MAGI2: variants seen among roughly 807,000 people sequenced by gnomAD.
MAGI2 encodes the protein membrane-associated guanylate kinase, WW and PDZ domain-containing protein 2.
MAGI2 carries 35 observed loss-of-function variants against 133.3 expected under a neutral mutation model. That is an observed-to-expected ratio of 0.26 (90% CI 0.20 to 0.35). MAGI2 has a LOEUF of 0.35. MAGI2 is among the 10% of genes least tolerant of loss of function. MAGI2 has a pLI of 1.00. For synonymous variants in MAGI2, 729 were observed against 710.6 expected, an observed-to-expected ratio of 1.03 and a Z score of -0.41; for missense variants, 1,636 against 1,863.4, an observed-to-expected ratio of 0.88 and a Z score of 2.25.
intron 1 of MAGI2, among the ~76,000 whole-genome samples, chr7:79,049,458 T>G (rs1367627930): frequency 1.3e-5 from 2 of 152,154 alleles, no homozygotes; most frequent in African/African-American, 4.8e-5. Flanking sequence ...GCTGAGAAGT[T>G]ATACACAGGC....
intron 2 of MAGI2, among the ~76,000 whole-genome samples, chr7:78,716,225 G>C (rs1819685762): frequency 6.6e-6 from 1 of 152,210 alleles, no homozygotes; most frequent in African/African-American, 2.4e-5. Flanking sequence ...TGTGACTTTT[G>C]CTATGTTTTA....
intron 1 of MAGI2, among the ~76,000 whole-genome samples, chr7:79,315,033 G>A (rs1161486895): frequency 5.3e-5 from 8 of 152,232 alleles, no homozygotes; most frequent in African/African-American, 1.9e-4. Context: ...AGGCTGGTTT[G>A]AGCTGGATTT....
At chr7:79,439,957 C>A (rs929833530) in intron 1 of MAGI2, among the ~76,000 whole-genome samples, 1 of 152,026 alleles carries the variant, frequency 6.6e-6, no homozygotes, top group Non-Finnish European at 1.5e-5. Flanking sequence ...GACATGTGGC[C>A]ATCCACTCCC....
intron 2 of MAGI2, among the ~76,000 whole-genome samples, chr7:78,855,781 G>A (rs946780298): frequency 6.6e-6 from 1 of 152,182 alleles, no homozygotes; most frequent in African/African-American, 2.4e-5. Context: ...GTAATGGGAT[G>A]GCTGGGTCAA....
chr7:79,134,501 G>A (rs894926373), intron 1 of MAGI2, among the ~76,000 whole-genome samples: 2 of 152,094 alleles, frequency 1.3e-5, no homozygotes, highest in African/African-American at 4.8e-5. Context: ...TATCTCAGCT[G>A]AAAGCCTCAT....
At chr7:79,368,847 CAAAAAAAAAAA>C (rs71095400) in intron 1 of MAGI2, among the ~76,000 whole-genome samples, 16,377 of 75,380 alleles carry the variant, frequency 0.22, 1,177 homozygotes, top group East Asian at 0.41. Context: ...GACTCCGTCT[CAAAAAAAAAAA>C]AAAAAAAAAA....
At chr7:78,072,337 T>G (rs1421858772) in intron 21 of MAGI2, among the ~76,000 whole-genome samples, 3 of 152,220 alleles carry the variant, frequency 2.0e-5, no homozygotes, top group African/African-American at 7.2e-5. Context: ...TTAAATGTTT[T>G]TCATGAGAGC....
chr7:78,990,880 T>C (rs1805694328), intron 2 of MAGI2, among the ~76,000 whole-genome samples: 1 of 147,832 alleles, frequency 6.8e-6, no homozygotes, highest in Admixed American at 6.8e-5. Context: ...ATTATTTTAC[T>C]GAAATAAGAG....
chr7:79,071,510 T>C (rs2117160898), intron 1 of MAGI2, among the ~76,000 whole-genome samples: 1 of 152,314 alleles, frequency 6.6e-6, no homozygotes, highest in South Asian at 2.1e-4. Flanking sequence ...TTCAGAGCTG[T>C]CAGGCAGGGA....
intron 2 of MAGI2, among the ~76,000 whole-genome samples, chr7:78,852,475 C>T (rs1200273913): frequency 6.6e-6 from 1 of 151,956 alleles, no homozygotes; most frequent in African/African-American, 2.4e-5. Flanking sequence ...ACAAAGATAA[C>T]CTTCTATGCA....
intron 1 of MAGI2, among the ~76,000 whole-genome samples, chr7:79,133,539 G>A (rs1459004793): frequency 1.3e-5 from 2 of 152,004 alleles, no homozygotes; most frequent in Non-Finnish European, 2.9e-5. Flanking sequence ...GTATCATGCT[G>A]TTTTGGTAAC....
intron 5 of MAGI2, among the ~76,000 whole-genome samples, chr7:78,494,340 T>A (rs114779939): frequency 0.024 from 3,710 of 152,258 alleles, 82 homozygotes; most frequent in East Asian, 0.072. Context: ...CTGATTCATA[T>A]AATCTACATA....
intron 1 of MAGI2, among the ~76,000 whole-genome samples, chr7:79,202,465 A>G (rs2129552012): frequency 6.6e-6 from 1 of 152,066 alleles, no homozygotes; most frequent in Middle Eastern, 3.4e-3. Flanking sequence ...TTTTAGCATA[A>G]GGTATATAAC....
intron 2 of MAGI2, among the ~76,000 whole-genome samples, chr7:79,001,799 C>T (rs1208640959): frequency 6.6e-6 from 1 of 152,108 alleles, no homozygotes; most frequent in Non-Finnish European, 1.5e-5. Context: ...ATGCATGCTG[C>T]CTTAACTTTG....
intron 1 of MAGI2, among the ~76,000 whole-genome samples, chr7:79,328,537 A>G (rs1266425021): frequency 6.6e-6 from 1 of 152,242 alleles, no homozygotes; most frequent in Non-Finnish European, 1.5e-5. Flanking sequence ...TTGAAGACAT[A>G]TTATGTACAT....
chr7:79,447,382 T>C (rs1351464861), intron 1 of MAGI2, among the ~76,000 whole-genome samples: 1 of 152,140 alleles, frequency 6.6e-6, no homozygotes, highest in Non-Finnish European at 1.5e-5. Flanking sequence ...AATAATAAAG[T>C]CACTAAACTA....
In MAGI2 at chr7:78,686,754, A is replaced by G. The variant is rs142627314; in HGVS notation, c.419-59515T>C. Among the ~76,000 whole-genome samples the G allele has an allele frequency of 7.5e-4, 114 of 152,276 alleles. 1 individual carries two copies. In the East Asian group the frequency reaches 0.019, roughly 25 times the overall value. ...TCATATGACAGCCTACGGGAGGACT[A>G]TAATAAAGAAAAGAAATTAGTTTTA... On this transcript the variant is annotated intron_variant, in intron 2 of 21. Transcript: ENST00000354212.
chr7:78,686,057 T>C (rs1427309031), intron 2 of MAGI2, among the ~76,000 whole-genome samples: 5 of 151,790 alleles, frequency 3.3e-5, no homozygotes, highest in African/African-American at 1.2e-4. Context: ...GAAGGTGTGC[T>C]TTTGCTTATT....
chr7:78,664,988 C>T (rs1429872016), intron 2 of MAGI2, among the ~76,000 whole-genome samples: 3 of 152,014 alleles, frequency 2.0e-5, no homozygotes, highest in African/African-American at 7.2e-5. Flanking sequence ...TTCTCTGAGG[C>T]ATAATGTCTT....
Sources: gnomAD v4.1 joint callset for allele counts (sites outside exome capture counted in the v4.1 genomes callset) on GRCh38, gnomAD v4.1.1 for gene constraint, MANE v1.5 for transcripts, NCBI Gene and HGNC (gene_info 2026-07-23, HGNC 2026-07-21) for gene names.